EGFL6: variants seen among roughly 807,000 people sequenced by gnomAD.
The protein encoded by EGFL6 is EGF like domain multiple 6.
EGFL6 carries 42 observed loss-of-function variants against 43.1 expected under a neutral mutation model. The ratio of observed to expected loss-of-function variants is 0.98; its 90% CI spans 0.76 to 1.26. The LOEUF (loss-of-function observed/expected upper bound fraction) is 1.26, where lower values mean the gene tolerates loss of function less well. Among genes scored for constraint, EGFL6 ranks in the 50% most tolerant of loss-of-function variants. The pLI, the probability that EGFL6 is intolerant of heterozygous loss-of-function variation, is 0.00. For missense variants in EGFL6, 429 were observed against 427.8 expected (o/e 1.00, Z -0.02); for synonymous variants, 164 against 163.2 (o/e 1.01, Z -0.04).
intron 7 of EGFL6, among the ~76,000 whole-genome samples, chrX:13,610,106 A>T (rs1264860111): frequency 8.9e-6 from 1 of 112,348 alleles, no homozygotes; most frequent in African/African-American, 3.2e-5. Context: ...GCACCACTGG[A>T]CAAGAGTATG....
intron 11 of EGFL6, among the ~76,000 whole-genome samples, chrX:13,632,297 GTTT>G (rs1158372735): frequency 1.2e-5 from 1 of 81,145 alleles, no homozygotes; most frequent in Non-Finnish European, 2.3e-5. Flanking sequence ...TTGTTTTTTG[GTTT>G]TTTTTTTTTT....
rs774134310 is a variant in EGFL6, at chrX:13,618,021, T to C, written c.1070T>C (p.Ile357Thr). The C allele has an allele frequency of 1.2e-5, 15 of 1,204,037 alleles. No homozygotes were observed. Among genetic ancestry groups the C allele is most frequent in the Non-Finnish European group, 1.6e-5 (14 of 891,822 alleles). ...GAAGAGAAAGCCCTGAAGAATGACA[T>C]AGAGGAGCGAAGCCTGCGAGGAGAT... ...KREEKALKNDIEERSLRGDVF... is the reference protein window; with the variant it reads ...KREEKALKNDTEERSLRGDVF... The change falls in exon 8 of 12, where the codon ATA becomes ACA. Residue 357 changes from isoleucine to threonine, a missense_variant. Transcript: ENST00000361306.
intron 9 of EGFL6, among the ~76,000 whole-genome samples, chrX:13,620,400 A>G (rs891505573): frequency 2.7e-5 from 3 of 110,643 alleles, no homozygotes; most frequent in African/African-American, 9.9e-5. Flanking sequence ...ACTTACCACT[A>G]TACATGTGGT....
At chrX:13,620,767 C>T (rs1226394377) in intron 9 of EGFL6, among the ~76,000 whole-genome samples, 1 of 111,657 alleles carries the variant, frequency 9.0e-6, no homozygotes, top group East Asian at 2.8e-4. Flanking sequence ...ACAAGTTCTG[C>T]CCAAGCTCTG....
chrX:13,592,872 G>A lies in EGFL6; in HGVS notation c.188-1964G>A, dbSNP rs1176641216. Among the ~76,000 whole-genome samples the A allele has an allele frequency of 6.6e-4, 44 of 66,955 alleles. 1 individual carries two copies. The highest frequency in any genetic ancestry group is 2.5e-3 in the African/African-American group (44 of 17,280). The allele number at this position is 66,955 out of a possible 115,157, so 58.1% of individuals were successfully genotyped here. On this transcript the variant is annotated intron_variant, in intron 2 of 11. Transcript: ENST00000361306. ...AGTGTTGCCTTTGTCGGGGGGGTGGGGGGGCTAGAAAAGAAGGGGGAGGCC... is the reference window on the plus strand; with the variant it reads ...AGTGTTGCCTTTGTCGGGGGGGTGGAGGGGCTAGAAAAGAAGGGGGAGGCC...
chrX:13,586,987 T>C (rs1214858132), intron 1 of EGFL6, among the ~76,000 whole-genome samples: 1 of 112,234 alleles, frequency 8.9e-6, no homozygotes, highest in Non-Finnish European at 1.9e-5. Flanking sequence ...AGGCTACATA[T>C]TGTGGGATTC....
chrX:13,585,682 T>C (rs1284094043), intron 1 of EGFL6, among the ~76,000 whole-genome samples: 1 of 111,912 alleles, frequency 8.9e-6, no homozygotes, highest in Non-Finnish European at 1.9e-5. Context: ...TGTTGCTAGA[T>C]TGAATTCTAA....
intron 1 of EGFL6, among the ~76,000 whole-genome samples, chrX:13,589,146 A>G (rs1310101188): frequency 9.0e-6 from 1 of 111,677 alleles, no homozygotes; most frequent in Non-Finnish European, 1.9e-5. Flanking sequence ...AGTCTATTCA[A>G]TGGTTCCCAG....
chrX:13,577,331 T>C (rs1569201005), intron 1 of EGFL6, among the ~76,000 whole-genome samples: 3 of 15,693 alleles, frequency 1.9e-4, no homozygotes, highest in African/African-American at 6.1e-4. Flanking sequence ...TATATATATA[T>C]ATATATATAT....
intron 7 of EGFL6, among the ~76,000 whole-genome samples, chrX:13,612,927 C>A (rs2045699320): frequency 9.1e-6 from 1 of 110,105 alleles, no homozygotes; most frequent in South Asian, 3.8e-4. Context: ...GGTGGATTGC[C>A]TGAGCTCAGG....
intron 10 of EGFL6, among the ~76,000 whole-genome samples, chrX:13,624,761 C>CT (rs1415408071): frequency 8.9e-6 from 1 of 111,881 alleles, no homozygotes; most frequent in Non-Finnish European, 1.9e-5. Context: ...GATCCTTCCT[C>CT]TAGACCAATT....
chrX:13,604,014 A>G (rs1245449143), intron 5 of EGFL6, among the ~76,000 whole-genome samples: 1 of 111,555 alleles, frequency 9.0e-6, no homozygotes, highest in Non-Finnish European at 1.9e-5. Flanking sequence ...CATAAAAATT[A>G]TTTGTTTATA....
chrX:13,591,497 C>G (rs887799966), intron 2 of EGFL6, among the ~76,000 whole-genome samples: 1 of 112,138 alleles, frequency 8.9e-6, no homozygotes, highest in African/African-American at 3.2e-5. Flanking sequence ...ATTTTTAGAT[C>G]TAAAATGTGT....
At position 13,617,817 on chromosome X, in the gene EGFL6, G is replaced by A. The variant is rs746377752; in HGVS notation, c.866G>A (p.Ser289Asn). ...AAGAAGTTGCTTGCTCACAAAAACA[G>A]CATGAAAAAGAAGGCAAAAATTAAA... is the stretch of plus-strand genomic sequence containing the variant. Reference protein sequence around the residue: ...RIKKLLAHKNSMKKKAKIKNV... With the variant: ...RIKKLLAHKNNMKKKAKIKNV... The change falls in exon 8 of 12, where the codon AGC becomes AAC. Residue 289 changes from serine (S) to asparagine (N), a missense_variant. By Grantham distance (46) the Ser-to-Asn change is conservative. Transcript: ENST00000361306. 2.5e-6 allele frequency: 3 copies of A among 1,209,770 alleles called. No homozygotes were observed. The Admixed American group carries it at 6.6e-5, about 26-fold the overall frequency.
intron 4 of EGFL6, among the ~76,000 whole-genome samples, chrX:13,602,257 G>A (rs140827216): frequency 0.022 from 2,474 of 111,058 alleles, 66 homozygotes; most frequent in African/African-American, 0.076. Flanking sequence ...GAGGGAGGGA[G>A]TACATTCACC....
Position 13,608,380 on chromosome X carries a change from A to G in EGFL6, c.712A>G (p.Asn238Asp). 9 of 1,211,659 alleles carry G rather than the reference A, an allele frequency of 7.4e-6. No homozygotes were observed. Among genetic ancestry groups the G allele is most frequent in the Non-Finnish European group, 1.0e-5 (9 of 895,351 alleles). ...HTCSHHANCF[N>D]TQGSFKCKCK... ...GTGCAGCCACCATGCCAATTGCTTC[A>G]ATACCCAAGGGTCCTTCAAGTGTAA... is the stretch of plus-strand genomic sequence containing the variant. The change falls in exon 7 of 12, where the codon AAT becomes GAT. Residue 238 changes from asparagine to aspartate, a missense_variant. Physicochemically the swap from Asn to Asp is conservative, Grantham distance 23. Coordinates refer to ENST00000361306, the MANE Select transcript of EGFL6 (RefSeq NM_015507.4).
chrX:13,600,280 C>CTTTTTT (rs1231725425), intron 4 of EGFL6, among the ~76,000 whole-genome samples, 186 bp downstream of exon 4: 27 of 44,270 alleles, frequency 6.1e-4, no homozygotes, highest in Non-Finnish European at 7.5e-4. Flanking sequence ...TTTCTTTCTT[C>CTTTTTT]TTTTTTTTTT....
At chrX:13,587,169 A>G (rs913657640) in intron 1 of EGFL6, among the ~76,000 whole-genome samples, 4 of 112,381 alleles carry the variant, frequency 3.6e-5, no homozygotes, top group African/African-American at 1.3e-4. Context: ...TGCATAACAT[A>G]GTGAAAATAC....
At chrX:13,628,762 G>A (rs1415503552) in intron 11 of EGFL6, among the ~76,000 whole-genome samples, 2 of 111,765 alleles carry the variant, frequency 1.8e-5, no homozygotes, top group African/African-American at 6.5e-5. Flanking sequence ...AGCCGAGATC[G>A]TGCCATTGCA....
Sources: allele counts gnomAD v4.1 joint callset (sites outside exome capture counted in the v4.1 genomes callset), GRCh38; gene constraint gnomAD v4.1.1; transcripts MANE v1.5; gene names NCBI Gene and HGNC (gene_info 2026-07-23, HGNC 2026-07-21).